Variants in TYK2 observed in about 807,000 individuals in gnomAD.
TYK2 encodes tyrosine kinase 2, also known as non-receptor tyrosine-protein kinase TYK2.
A neutral mutation model predicts 130.9 loss-of-function variants in TYK2; 65 were observed. That is an observed-to-expected ratio of 0.50 (90% CI 0.41 to 0.61). The LOEUF (loss-of-function observed/expected upper bound fraction) is 0.61, where lower values mean the gene tolerates loss of function less well. Ranked by LOEUF, TYK2 falls within the 20% of genes least tolerant of loss-of-function variation. The pLI, the probability that TYK2 is intolerant of heterozygous loss-of-function variation, is 0.00. For synonymous variants in TYK2, 647 were observed against 658.9 expected, an observed-to-expected ratio of 0.98 and a Z score of 0.28; for missense variants, 1,378 against 1,610.7, an observed-to-expected ratio of 0.86 and a Z score of 2.47.
chr19:10,365,978 C>A (rs2041646506), intron 6 of TYK2, 80 bp from the exon 7 acceptor site: 1 of 1,403,506 alleles, frequency 7.1e-7, no homozygotes, highest in African/African-American at 1.4e-5. Flanking sequence ...AGTGGCTTAA[C>A]CTCTTTGAGC....
rs371514271 is a variant in TYK2 at position 10,364,815 on chromosome 19, G to C, written c.1209+36C>G. 106 of 1,613,864 alleles carry C rather than the reference G, an allele frequency of 6.6e-5. No homozygotes were observed. Among genetic ancestry groups the C allele is most frequent in the Non-Finnish European group, 8.2e-5 (97 of 1,180,054 alleles). On this transcript the variant is annotated intron_variant, in intron 8 of 24. Transcript: ENST00000525621. This position sits in a 1 kb window ranked among gnomAD's most constrained non-coding sequence, Gnocchi z 4.9. The stretch of plus-strand genomic sequence containing the variant: ...TCAGGTGGGTGTCCTCCCAGGCCAT[G>C]ATGGGCCCTAGCCCAGCCCCTACCC...
chr19:10,361,085 A>T lies in TYK2; in HGVS notation c.2047+426T>A. On this transcript the variant is annotated intron_variant, in intron 14 of 24. Coordinates refer to ENST00000525621, the MANE Select transcript of TYK2 (RefSeq NM_003331.5). This position sits in a 1 kb window ranked among gnomAD's most constrained non-coding sequence, Gnocchi z 4.0. The stretch of plus-strand genomic sequence containing the variant: ...GAGTTTTGAGCTACCTGCAGAGGAA[A>T]GGAAGAGGTGGGGTTAGGCAGGGTT... The T allele has an allele frequency of 2.1e-6, 1 of 473,380 alleles. No individual in the cohort carries two copies. Among genetic ancestry groups the T allele is most frequent in the Non-Finnish European group, 4.2e-6 (1 of 239,524 alleles). 29.3% of individuals were successfully genotyped at this position (473,380 alleles called of 1,614,324 possible).
chr19:10,353,826 C>G lies in TYK2; in HGVS notation c.2909-180G>C. ...ACCCCATTCTCACTTGAGGGAGCTG[C>G]TGGTGGCTCCCGTCCATCCTGGCCC... On this transcript the variant is annotated intron_variant, in intron 20 of 24. Coordinates refer to ENST00000525621, the MANE Select transcript of TYK2 (RefSeq NM_003331.5). This position sits in a 1 kb window ranked among gnomAD's most constrained non-coding sequence, Gnocchi z 6.9. 1.5e-6 allele frequency: 1 copy of G among 682,306 alleles called. No homozygotes were observed. Among genetic ancestry groups the G allele is most frequent in the Non-Finnish European group, 2.5e-6 (1 of 406,436 alleles). 42.3% of individuals were successfully genotyped at this position (682,306 alleles called of 1,614,324 possible).
At position 10,357,988 on chromosome 19, in the gene TYK2, C is replaced by T. The variant is rs763347355; in HGVS notation, c.2311+15G>A. 1.7e-5 allele frequency: 28 copies of T among 1,613,386 alleles called. No homozygotes were observed. Among genetic ancestry groups the T allele is most frequent in the Non-Finnish European group, 2.0e-5 (24 of 1,180,034 alleles). On this transcript the variant is annotated intron_variant, in intron 16 of 24. Transcript: ENST00000525621. ...GGAAGCCCCCCACTGTGCCCAGGTC[C>T]CCTCAGGTACTCACCCTCCCTGGAG...
At chr19:10,363,120 C>G (rs2041489664) in intron 9 of TYK2, among the ~76,000 whole-genome samples, 1 of 151,914 alleles carries the variant, frequency 6.6e-6, no homozygotes, top group African/African-American at 2.4e-5. Flanking sequence ...AGCTGATCTG[C>G]CAGCCTCAGC....
chr19:10,359,091 T>C, intron 15 of TYK2, 84 bp downstream of exon 15: 1 of 1,546,732 alleles, frequency 6.5e-7, no homozygotes, highest in Admixed American at 1.9e-5. Flanking sequence ...AGATGGGGTC[T>C]CGCCCTGTTG....
intron 3 of TYK2, among the ~76,000 whole-genome samples, chr19:10,371,674 T>A (rs1295114028): frequency 6.6e-6 from 1 of 152,060 alleles, no homozygotes; most frequent in African/African-American, 2.4e-5. Context: ...TGTGTGGTAT[T>A]ATACTGCAGA....
rs745582179 is a variant in TYK2, at chr19:10,361,520, C to T, written c.2038G>A (p.Gly680Ser). The part of the protein sequence containing the change: ...LAFVHGVCVR[G>S]PENIMVTEYV... ...GGCGGGACCCACTCACTTTCAGGGC[C>T]GCGCACACAGACGCCATGCACGAAG... The change falls in exon 14 of 25, where the codon GGC (glycine) becomes AGC (serine). Residue 680 changes from glycine (G) to serine (S), a missense_variant. Coordinates refer to ENST00000525621, the MANE Select transcript of TYK2 (RefSeq NM_003331.5). This position sits in a 1 kb window ranked among gnomAD's most constrained non-coding sequence, Gnocchi z 4.0. 1.6e-5 allele frequency: 24 copies of T among 1,545,552 alleles called. No individual in the cohort carries two copies. The South Asian group carries it at 2.4e-4, about 15-fold the overall frequency.
At position 10,361,610 on chromosome 19, in the gene TYK2, G is replaced by C. The variant is rs764858425; in HGVS notation, c.1960-12C>G. On this transcript the variant is annotated splice_polypyrimidine_tract_variant and intron_variant, in intron 13 of 24. Coordinates refer to ENST00000525621, the MANE Select transcript of TYK2 (RefSeq NM_003331.5). This position sits in a 1 kb window ranked among gnomAD's most constrained non-coding sequence, Gnocchi z 4.0. ...GTCTCGTAGAAGGCCTGTGGGGACC[G>C]GGCAGGTCAGGTGGCTGCAAAGCCG... The C allele has an allele frequency of 2.6e-6, 4 of 1,548,898 alleles. No individual in the cohort carries two copies. Among genetic ancestry groups the C allele is most frequent in the South Asian group, 1.2e-5 (1 of 84,888 alleles).
chr19:10,368,011 T>G (rs1358626522), intron 5 of TYK2, 44 bp downstream of exon 5: 1 of 1,611,924 alleles, frequency 6.2e-7, no homozygotes, highest in African/African-American at 1.3e-5. Context: ...CAACTGCCCC[T>G]AAGTCTCCCA....
chr19:10,365,290 C>G lies in TYK2; in HGVS notation c.1011+227G>C, dbSNP rs144353020. 4.1e-3 allele frequency among the ~76,000 whole-genome samples: 618 copies of G among 152,254 alleles called. 2 individuals are homozygous for G. The highest frequency in any genetic ancestry group is 5.6e-3 in the Admixed American group (86 of 15,292). On this transcript the variant is annotated intron_variant, in intron 7 of 24. Coordinates refer to ENST00000525621, the MANE Select transcript of TYK2 (RefSeq NM_003331.5). Reference sequence around the variant, plus strand: ...CCCCCTCACACCCAGGTGCCAGTCCCCAGATGAAGGGGTTCCCTGGAGGTG... The same window carrying G: ...CCCCCTCACACCCAGGTGCCAGTCCGCAGATGAAGGGGTTCCCTGGAGGTG...
chr19:10,368,179 C>G lies in TYK2; in HGVS notation c.341G>C (p.Gly114Ala). 6.2e-7 allele frequency: 1 copy of G among 1,614,136 alleles called. No homozygotes were observed. Among genetic ancestry groups the G allele is most frequent in the Non-Finnish European group, 8.5e-7 (1 of 1,180,028 alleles). ...RIRFYFRNWH[G>A]MNPREPAVYR... is the part of the protein sequence containing the mutation. ...CACAGCCGGTTCCCGAGGATTCATG[C>G]CATGCCAGTTCCGGAAATAAAACCT... The change falls in exon 5 of 25, where the codon GGC (glycine) becomes GCC (alanine). Residue 114 changes from glycine (G) to alanine (A), a missense_variant. Transcript: ENST00000525621.
chr19:10,357,193 A>G (rs1229861136), intron 17 of TYK2: 1 of 417,886 alleles, frequency 2.4e-6, no homozygotes, highest in African/African-American at 2.0e-5. Flanking sequence ...GTTTGAGACC[A>G]GCCTGACCAA....
In TYK2 at chr19:10,367,983, A is replaced by C. The variant is rs953695801; in HGVS notation, c.465+72T>G. On this transcript the variant is annotated intron_variant, in intron 5 of 24. Coordinates refer to ENST00000525621, the MANE Select transcript of TYK2 (RefSeq NM_003331.5). ...ACCTATTAGCTATATTGAATCAGGG[A>C]GGGAAATGGGGGCTCCTCAACTGCC... 9 of 1,553,468 alleles carry C rather than the reference A, an allele frequency of 5.8e-6. No individual in the cohort carries two copies. The African/African-American group carries it at 6.8e-5, about 12-fold the overall frequency.
intron 17 of TYK2, 84 bp downstream of exon 17, chr19:10,357,680 G>T: frequency 6.5e-7 from 1 of 1,533,826 alleles, no homozygotes; most frequent in Non-Finnish European, 8.8e-7. Context: ...CAGAAGGGAT[G>T]CAGCTTTGAG....
intron 3 of TYK2, among the ~76,000 whole-genome samples, chr19:10,371,686 G>A (rs1004711722): frequency 1.3e-5 from 2 of 151,962 alleles, no homozygotes; most frequent in Non-Finnish European, 2.9e-5. Flanking sequence ...TACTGCAGAC[G>A]TCCCTCTGCA....
At chr19:10,369,618 C>A (rs747731314) in intron 3 of TYK2, 1 of 405,308 alleles carries the variant, frequency 2.5e-6, no homozygotes. Flanking sequence ...GCTCTTCCTG[C>A]ACCCTCCATG....
chr19:10,370,257 G>A (rs2041856472), intron 3 of TYK2, among the ~76,000 whole-genome samples: 1 of 151,876 alleles, frequency 6.6e-6, no homozygotes, highest in Non-Finnish European at 1.5e-5. Flanking sequence ...TACTTGGGAG[G>A]CTGAGGCAGG....
At chr19:10,357,739 G>T in intron 17 of TYK2, 25 bp downstream of exon 17, 4 of 1,586,362 alleles carry the variant, frequency 2.5e-6, no homozygotes, top group Non-Finnish European at 3.4e-6. Flanking sequence ...ACTGCGGGGA[G>T]GGCCCAAGGG....
Sources: allele counts gnomAD v4.1 joint callset (sites outside exome capture counted in the v4.1 genomes callset), GRCh38; gene constraint gnomAD v4.1.1; non-coding constraint Gnocchi (gnomAD v3.1); transcripts MANE v1.5; gene names NCBI Gene and HGNC (gene_info 2026-07-23, HGNC 2026-07-21).